Variants in HDAC4 observed in about 807,000 individuals in gnomAD.
The protein encoded by HDAC4 is histone deacetylase A.
In HDAC4, 16 loss-of-function variants were observed where a neutral mutation model predicts 135.1. The ratio of observed to expected loss-of-function variants is 0.12; its 90% CI spans 0.08 to 0.18. HDAC4 has a LOEUF of 0.18. HDAC4 is among the 10% of genes least tolerant of loss of function. The pLI, the probability that HDAC4 is intolerant of heterozygous loss-of-function variation, is 1.00. For missense variants in HDAC4, 1,143 were observed against 1,511.8 expected, an observed-to-expected ratio of 0.76 and a Z score of 4.05; for synonymous variants, 685 against 653.4, an observed-to-expected ratio of 1.05 and a Z score of -0.74.
At chr2:239,280,488 C>A (rs4852043) in intron 2 of HDAC4, among the ~76,000 whole-genome samples, 1 of 152,204 alleles carries the variant, frequency 6.6e-6, no homozygotes, top group Non-Finnish European at 1.5e-5. Context: ...GCACAGAAGG[C>A]AGGCAGGTGA....
At chr2:239,114,392 C>T (rs1303730654) in intron 13 of HDAC4, among the ~76,000 whole-genome samples, 4 of 152,180 alleles carry the variant, frequency 2.6e-5, no homozygotes, top group Non-Finnish European at 5.9e-5. Context: ...AGGGAGGAAG[C>T]CACTTTCCTG....
intron 22 of HDAC4, among the ~76,000 whole-genome samples, chr2:239,080,446 G>A (rs889254423): frequency 6.6e-6 from 1 of 152,214 alleles, no homozygotes; most frequent in African/African-American, 2.4e-5. Context: ...CTCCACCACG[G>A]CAGGTGAAGC....
chr2:239,344,006 G>A (rs767969341), intron 2 of HDAC4, among the ~76,000 whole-genome samples: 17 of 152,170 alleles, frequency 1.1e-4, no homozygotes, highest in African/African-American at 2.7e-4. Flanking sequence ...TCTCTTAAAC[G>A]CGCAGTGGGG....
At chr2:239,153,212 C>T (rs1386684879) in intron 7 of HDAC4, among the ~76,000 whole-genome samples, 2 of 152,192 alleles carry the variant, frequency 1.3e-5, no homozygotes, top group Non-Finnish European at 2.9e-5. Context: ...GCAAAAAATG[C>T]ATGGGGTGAC....
intron 24 of HDAC4, among the ~76,000 whole-genome samples, chr2:239,059,983 A>C (rs2032443720): frequency 6.6e-6 from 1 of 152,202 alleles, no homozygotes; most frequent in Non-Finnish European, 1.5e-5. Context: ...GTAGTTCTCG[A>C]GAGTGACCGT....
chr2:239,251,714 A>G (rs866756243), intron 2 of HDAC4, among the ~76,000 whole-genome samples: 1 of 152,164 alleles, frequency 6.6e-6, no homozygotes, highest in Non-Finnish European at 1.5e-5. Flanking sequence ...CTCCCACTGC[A>G]CAAGGCTCAT....
At chr2:239,260,767 G>A (rs1033253316) in intron 2 of HDAC4, among the ~76,000 whole-genome samples, 3 of 152,206 alleles carry the variant, frequency 2.0e-5, no homozygotes, top group Non-Finnish European at 4.4e-5. Context: ...CTTCCACCTG[G>A]GGCCCGAGCG....
At chr2:239,151,419 T>C (rs1348812114) in intron 7 of HDAC4, among the ~76,000 whole-genome samples, 1 of 152,058 alleles carries the variant, frequency 6.6e-6, no homozygotes, top group East Asian at 1.9e-4. Flanking sequence ...CCCCCCAAAA[T>C]GGAGGAAAAC....
chr2:239,258,406 G>T (rs146759127), intron 2 of HDAC4, among the ~76,000 whole-genome samples: 1 of 152,128 alleles, frequency 6.6e-6, no homozygotes. Context: ...AAAAACGGCC[G>T]TGGAGGGGGA....
chr2:239,382,578 T>C (rs891884431), intron 1 of HDAC4, among the ~76,000 whole-genome samples: 1 of 152,228 alleles, frequency 6.6e-6, no homozygotes, highest in Non-Finnish European at 1.5e-5. Context: ...GCCACAGTGC[T>C]CTGCCCTCTA....
At chr2:239,073,562 G>T (rs1269348143) in intron 22 of HDAC4, among the ~76,000 whole-genome samples, 1 of 152,270 alleles carries the variant, frequency 6.6e-6, no homozygotes, top group Non-Finnish European at 1.5e-5. Flanking sequence ...CCACCAGCTG[G>T]AGTTGCCCAA....
At chr2:239,265,269 C>A (rs559842816) in intron 2 of HDAC4, among the ~76,000 whole-genome samples, 25 of 152,340 alleles carry the variant, frequency 1.6e-4, no homozygotes, top group Admixed American at 9.8e-4. Context: ...ACTCCAGAGG[C>A]ATCACAGATG....
At chr2:239,383,112 C>T (rs1695532715) in intron 1 of HDAC4, among the ~76,000 whole-genome samples, 1 of 152,208 alleles carries the variant, frequency 6.6e-6, no homozygotes, top group Non-Finnish European at 1.5e-5. Context: ...CAGTGTTCTC[C>T]AACACGGTCT....
chr2:239,169,310 G>A (rs2043303497), intron 5 of HDAC4, among the ~76,000 whole-genome samples: 1 of 152,238 alleles, frequency 6.6e-6, no homozygotes, highest in African/African-American at 2.4e-5. Context: ...CCCAGGCAGA[G>A]GCCCCAGTGC....
intron 3 of HDAC4, among the ~76,000 whole-genome samples, chr2:239,218,233 A>T (rs1376585464): frequency 6.6e-6 from 1 of 152,262 alleles, no homozygotes; most frequent in Non-Finnish European, 1.5e-5. Flanking sequence ...AACAATCATT[A>T]TATTAAAAAC....
intron 8 of HDAC4, among the ~76,000 whole-genome samples, chr2:239,140,063 A>G (rs1224885586): frequency 6.6e-6 from 1 of 152,222 alleles, no homozygotes; most frequent in Non-Finnish European, 1.5e-5. Flanking sequence ...GACAATTTTA[A>G]ACACCAAAAA....
At chr2:239,328,604 G>A (rs2125805209) in intron 2 of HDAC4, among the ~76,000 whole-genome samples, 1 of 152,304 alleles carries the variant, frequency 6.6e-6, no homozygotes, top group Admixed American at 6.5e-5. Context: ...AGCTGGTGGG[G>A]GAGGAAAAAG....
intron 2 of HDAC4, among the ~76,000 whole-genome samples, chr2:239,328,773 T>G (rs1691341458): frequency 6.6e-6 from 1 of 152,120 alleles, no homozygotes; most frequent in Non-Finnish European, 1.5e-5. Context: ...CTGGCCCTCT[T>G]TATCTCCAGC....
chr2:239,242,230 A>AAGGGAGGGAGGGAGGG (rs142708646), intron 2 of HDAC4, among the ~76,000 whole-genome samples: 7 of 99,280 alleles, frequency 7.1e-5, no homozygotes, highest in East Asian at 4.9e-4. Context: ...GAAGGAGGGG[A>AAGGGAGGGAGGGAGGG]AGGGAGGGAG....
Sources: gnomAD v4.1 joint callset for allele counts (sites outside exome capture counted in the v4.1 genomes callset) on GRCh38, gnomAD v4.1.1 for gene constraint, MANE v1.5 for transcripts, NCBI Gene and HGNC (gene_info 2026-07-23, HGNC 2026-07-21) for gene names.